MIPOL1: variants seen among roughly 807,000 people sequenced by gnomAD.
The protein encoded by MIPOL1 is mirror-image polydactyly 1, also known as mirror-image polydactyly gene 1 protein.
A neutral mutation model predicts 60.9 loss-of-function variants in MIPOL1; 57 were observed. That is an observed-to-expected ratio of 0.94 (90% confidence interval 0.76 to 1.17). MIPOL1 has a LOEUF of 1.17. Ranked by LOEUF, MIPOL1 falls within the 50% of genes most tolerant of loss-of-function variation. The pLI, the probability that MIPOL1 is intolerant of heterozygous loss-of-function variation, is 0.00. For missense variants in MIPOL1, 551 were observed against 511.6 expected, an observed-to-expected ratio of 1.08 and a Z score of -0.74; for synonymous variants, 179 against 168.8, an observed-to-expected ratio of 1.06 and a Z score of -0.47.
intron 3 of MIPOL1, 127 bp from the exon 4 acceptor site, chr14:37,266,811 G>A: frequency 1.5e-6 from 1 of 680,104 alleles, no homozygotes; most frequent in Non-Finnish European, 2.5e-6. Context: ...GATTACAGTA[G>A]GAGTAAGACT....
At chr14:37,210,314 C>G (rs1424637028) in intron 1 of MIPOL1, among the ~76,000 whole-genome samples, 1 of 151,912 alleles carries the variant, frequency 6.6e-6, no homozygotes, top group Non-Finnish European at 1.5e-5. Flanking sequence ...ATGGCTCATC[C>G]CTTTTGACAC....
chr14:37,478,664 C>T (rs2094814834), intron 11 of MIPOL1, among the ~76,000 whole-genome samples: 1 of 151,790 alleles, frequency 6.6e-6, no homozygotes, highest in African/African-American at 2.4e-5. Flanking sequence ...ATGCTATCTA[C>T]AAGAGACTAA....
intron 11 of MIPOL1, among the ~76,000 whole-genome samples, chr14:37,428,695 G>A (rs1416151122): frequency 3.5e-5 from 5 of 143,916 alleles, no homozygotes; most frequent in Non-Finnish European, 7.6e-5. Flanking sequence ...TAGTGTAAGA[G>A]CTACTGCTGG....
intron 1 of MIPOL1, among the ~76,000 whole-genome samples, chr14:37,200,622 C>T (rs1375126981): frequency 6.7e-6 from 1 of 149,666 alleles, no homozygotes; most frequent in East Asian, 1.9e-4. Flanking sequence ...ACATAGGAAC[C>T]CAAAGTGCTG....
chr14:37,467,989 G>T (rs2094623304), intron 11 of MIPOL1, among the ~76,000 whole-genome samples: 1 of 151,442 alleles, frequency 6.6e-6, no homozygotes, highest in Non-Finnish European at 1.5e-5. Context: ...GGCAGGCAGA[G>T]GTTGTAGTGA....
At chr14:37,434,782 G>A (rs544839649) in intron 11 of MIPOL1, among the ~76,000 whole-genome samples, 5 of 150,992 alleles carry the variant, frequency 3.3e-5, no homozygotes, top group African/African-American at 9.7e-5. Flanking sequence ...GATTGGATAA[G>A]GTCTACTCAT....
chr14:37,292,566 T>C (rs1340182834), intron 7 of MIPOL1, among the ~76,000 whole-genome samples: 2 of 141,930 alleles, frequency 1.4e-5, no homozygotes, highest in African/African-American at 5.2e-5. Context: ...CTGCAACCTC[T>C]GCCTCCTGGG....
At chr14:37,201,718 T>G (rs1965373030) in intron 1 of MIPOL1, among the ~76,000 whole-genome samples, 1 of 152,188 alleles carries the variant, frequency 6.6e-6, no homozygotes, top group Non-Finnish European at 1.5e-5. Flanking sequence ...CCAGTTCATC[T>G]TTTACTCTTG....
Position 37,548,734 on chromosome 14 carries a change from A to G in MIPOL1, c.*1763A>G, listed in dbSNP as rs1228790702. The G allele has an allele frequency of 2.6e-5, 4 of 151,986 alleles. No homozygotes were observed. Among genetic ancestry groups the G allele is most frequent in the African/African-American group, 4.8e-5 (2 of 41,450 alleles). The allele number at this position is 151,986 out of a possible 1,614,324, so 9.4% of individuals were successfully genotyped here. A position where few individuals can be genotyped will look rare whatever the true frequency, so the allele number is the denominator to read the frequency against. Reference sequence around the variant, plus strand: ...CAAGTAAATTTGAATTTTCGGTTTAATGTTGAAAGCAGATGAACTTTTCTT... The same window carrying G: ...CAAGTAAATTTGAATTTTCGGTTTAGTGTTGAAAGCAGATGAACTTTTCTT... On this transcript the variant is annotated 3_prime_UTR_variant, in exon 13 of 13. Transcript: ENST00000684589.
At chr14:37,283,293 C>T (rs1180741138) in intron 6 of MIPOL1, among the ~76,000 whole-genome samples, 1 of 152,070 alleles carries the variant, frequency 6.6e-6, no homozygotes, top group East Asian at 1.9e-4. Flanking sequence ...TCTCAAACTC[C>T]TCACCTCAGG....
At chr14:37,488,814 G>T (rs182037824) in intron 11 of MIPOL1, among the ~76,000 whole-genome samples, 1 of 152,244 alleles carries the variant, frequency 6.6e-6, no homozygotes, top group East Asian at 1.9e-4. Flanking sequence ...TCTGCTGTTA[G>T]TCTGATGGGC....
At chr14:37,516,914 A>G (rs768961534) in intron 12 of MIPOL1, among the ~76,000 whole-genome samples, 36 of 152,184 alleles carry the variant, frequency 2.4e-4, no homozygotes, top group Non-Finnish European at 4.6e-4. Context: ...AAATAACTCA[A>G]TAATAGCGTT....
At chr14:37,472,030 G>A (rs901094588) in intron 11 of MIPOL1, among the ~76,000 whole-genome samples, 1 of 152,154 alleles carries the variant, frequency 6.6e-6, no homozygotes, top group East Asian at 1.9e-4. Flanking sequence ...TATGCTTACA[G>A]TAGGCATGTA....
At chr14:37,410,347 T>TA (rs1194145293) in intron 10 of MIPOL1, among the ~76,000 whole-genome samples, 2 of 152,038 alleles carry the variant, frequency 1.3e-5, no homozygotes, top group Non-Finnish European at 2.9e-5. Context: ...CCCTAAAACT[T>TA]AAAGTATAAT....
chr14:37,288,000 G>A (rs955536754), intron 7 of MIPOL1, among the ~76,000 whole-genome samples: 2 of 152,124 alleles, frequency 1.3e-5, no homozygotes, highest in Admixed American at 1.3e-4. Context: ...CTTAAAAGAA[G>A]AAGTTGAAGT....
chr14:37,220,384 G>T (rs1248928336), intron 1 of MIPOL1, among the ~76,000 whole-genome samples: 2 of 152,070 alleles, frequency 1.3e-5, no homozygotes, highest in African/African-American at 2.4e-5. Context: ...TCTTTAAGCA[G>T]CATGTCTTGA....
intron 9 of MIPOL1, among the ~76,000 whole-genome samples, chr14:37,349,272 GCC>G (rs1319625876): frequency 1.3e-5 from 2 of 152,120 alleles, no homozygotes. Flanking sequence ...ACGGGCGTGA[GCC>G]ACTGCACCCG....
At chr14:37,297,521 G>GT (rs1339778491) in intron 7 of MIPOL1, among the ~76,000 whole-genome samples, 1 of 152,168 alleles carries the variant, frequency 6.6e-6, no homozygotes, top group Non-Finnish European at 1.5e-5. Context: ...AATTGTCCCT[G>GT]TTTGCAGATG....
At chr14:37,446,745 T>C (rs2094341705) in intron 11 of MIPOL1, among the ~76,000 whole-genome samples, 1 of 152,100 alleles carries the variant, frequency 6.6e-6, no homozygotes, top group Admixed American at 6.6e-5. Flanking sequence ...TATGCAGCCA[T>C]AAAAAATGAT....
Sources: gnomAD v4.1 joint callset for allele counts (sites outside exome capture counted in the v4.1 genomes callset) on GRCh38, gnomAD v4.1.1 for gene constraint, MANE v1.5 for transcripts, NCBI Gene and HGNC (gene_info 2026-07-23, HGNC 2026-07-21) for gene names.